Variants in SAFB observed in about 807,000 individuals in gnomAD.
SAFB encodes the protein scaffold attachment factor B, also known as scaffold attachment factor B1.
Under a neutral mutation model 101.6 loss-of-function variants are expected in SAFB, and 15 were observed. That is an observed-to-expected ratio of 0.15 (90% CI 0.10 to 0.23). The LOEUF (loss-of-function observed/expected upper bound fraction) is 0.23. Among genes scored for constraint, SAFB ranks in the 10% least tolerant of loss-of-function variants. The probability of loss-of-function intolerance (pLI) is 1.00; values close to 1 mark genes in which losing one functional copy is unlikely to be tolerated. For synonymous variants in SAFB, 449 were observed against 407.5 expected (o/e 1.10, Z -1.23); for missense variants, 930 against 1,104.1 (o/e 0.84, Z 2.23).
At chr19:5,658,496 C>T (rs1209352046) in intron 14 of SAFB, among the ~76,000 whole-genome samples, 1 of 152,120 alleles carries the variant, frequency 6.6e-6, no homozygotes, top group Admixed American at 6.5e-5. Flanking sequence ...AGTTCGAGAC[C>T]AGCCTGACCA....
rs1411489455 is a variant in SAFB at position 5,667,633 on chromosome 19, C to T, written c.2557+183C>T. On this transcript the variant is annotated intron_variant, in intron 19 of 20. Transcript: ENST00000588852. The surrounding 1 kb of genome is among the most constrained non-coding windows in gnomAD (Gnocchi z 4.0). ...TCTGGCCCAGGAGTTGGACAGTGGG[C>T]GTTCCCGAGTTCTCTCTGCTGGGAG... 2.3e-5 allele frequency: 16 copies of T among 700,592 alleles called. No homozygotes were observed. Among genetic ancestry groups the T allele is most frequent in the Non-Finnish European group, 2.9e-5 (12 of 409,170 alleles). 43.4% of individuals were successfully genotyped at this position (700,592 alleles called of 1,614,324 possible).
In SAFB at chr19:5,661,695, C is replaced by T; in HGVS notation, c.2040C>T (p.Arg680=). ...ERERMHVEHE[R]RREQERIHRE... Reference sequence around the variant, plus strand: ...AACGCATGCACGTGGAGCACGAGCGCAGGCGCGAGCAGGAGCGCATCCACC... The same window carrying T: ...AACGCATGCACGTGGAGCACGAGCGTAGGCGCGAGCAGGAGCGCATCCACC... The change falls in exon 15 of 21, where the codon CGC becomes CGT. Residue 680 remains arginine, a synonymous_variant. Transcript: ENST00000588852. 6.2e-7 allele frequency: 1 copy of T among 1,605,746 alleles called. No homozygotes were observed. The highest frequency in any genetic ancestry group is 1.1e-5 in the South Asian group (1 of 90,560).
Position 5,641,824 on chromosome 19 carries a change from G to A in SAFB, c.424G>A (p.Gly142Arg), listed in dbSNP as rs1341447411. 6.2e-7 allele frequency: 1 copy of A among 1,613,962 alleles called. No individual in the cohort carries two copies. Among genetic ancestry groups the A allele is most frequent in the East Asian group, 2.2e-5 (1 of 44,880 alleles). ...SVLDEAEIDNGSVADCVEDDD... is the reference protein window; with the variant it reads ...SVLDEAEIDNRSVADCVEDDD... ...GTTGGATGAAGCAGAAATTGATAAT[G>A]GAAGCGTTGCAGATTGTGTCGAAGA... Residue 142 changes from glycine to arginine, a missense_variant, in exon 4 of 21, where the codon GGA (glycine) becomes AGA (arginine). Physicochemically the swap from Gly to Arg is moderately radical, Grantham distance 125. Transcript: ENST00000588852.
chr19:5,650,110 C>T, intron 8 of SAFB, 135 bp downstream of exon 8: 1 of 690,458 alleles, frequency 1.4e-6, no homozygotes, highest in Non-Finnish European at 2.6e-6. Flanking sequence ...CTTTCTCCTT[C>T]TCTGCTGTTA....
chr19:5,656,603 G>C (rs747329206), intron 13 of SAFB, among the ~76,000 whole-genome samples: 2 of 138,794 alleles, frequency 1.4e-5, no homozygotes, highest in Non-Finnish European at 3.1e-5. Context: ...TTTTGTCAGA[G>C]TATCGCTCTG....
intron 2 of SAFB, among the ~76,000 whole-genome samples, chr19:5,637,964 C>T (rs1288611926): frequency 6.6e-6 from 1 of 152,236 alleles, no homozygotes; most frequent in African/African-American, 2.4e-5. Flanking sequence ...CTATTCCTGA[C>T]ACCAGAAATT....
At position 5,626,498 on chromosome 19, in the gene SAFB, G is replaced by T. The variant is rs1366992322; in HGVS notation, c.274+9G>T. 2 of 1,513,434 alleles carry T rather than the reference G, an allele frequency of 1.3e-6. No homozygotes were observed. Among genetic ancestry groups the T allele is most frequent in the African/African-American group, 2.8e-5 (2 of 72,662 alleles). 93.8% of individuals were successfully genotyped at this position (1,513,434 alleles called of 1,614,324 possible). Reference sequence around the variant, plus strand: ...AAAGAGGTCTAGCAAAGGTATGGAGGATTTCATAAGCAAGTTTCATGTTAA... The same window carrying T: ...AAAGAGGTCTAGCAAAGGTATGGAGTATTTCATAAGCAAGTTTCATGTTAA... On this transcript the variant is annotated intron_variant, in intron 2 of 20. Coordinates refer to ENST00000588852, the MANE Select transcript of SAFB (RefSeq NM_001201338.2).
In SAFB at chr19:5,668,433, G is replaced by GTT. The variant is rs750704334; in HGVS notation, c.*153_*154dup. The GTT allele has an allele frequency of 7.8e-4, 520 of 663,946 alleles. No homozygotes were observed. The highest frequency in any genetic ancestry group is 9.9e-4 in the South Asian group (41 of 41,254). 41.1% of individuals were successfully genotyped at this position (663,946 alleles called of 1,614,324 possible). ...ATGTGAATTTGTTTTTCGTTTTGGGGTTTTTTTTTTTTGTAATAAATGTGT... is the reference window on the plus strand; with the variant it reads ...ATGTGAATTTGTTTTTCGTTTTGGGGTTTTTTTTTTTTTTGTAATAAATGTGT... On this transcript the variant is annotated 3_prime_UTR_variant, in exon 21 of 21. Transcript: ENST00000588852.
chr19:5,647,724 G>A (rs1056746393), intron 5 of SAFB, among the ~76,000 whole-genome samples: 1 of 152,180 alleles, frequency 6.6e-6, no homozygotes, highest in African/African-American at 2.4e-5. Context: ...TGCTCTCCTT[G>A]AATTTGAGAG....
intron 2 of SAFB, among the ~76,000 whole-genome samples, chr19:5,626,800 C>T (rs549775592): frequency 2.0e-5 from 3 of 152,118 alleles, no homozygotes; most frequent in Non-Finnish European, 4.4e-5. Context: ...TAATTCCAGG[C>T]GACTCGGGGC....
At chr19:5,660,695 C>T (rs2054177637) in intron 14 of SAFB, among the ~76,000 whole-genome samples, 2 of 110,760 alleles carry the variant, frequency 1.8e-5, no homozygotes, top group Non-Finnish European at 3.6e-5. Context: ...CCTGGGCAAC[C>T]ATCTCTACCA....
intron 1 of SAFB, among the ~76,000 whole-genome samples, chr19:5,625,324 G>A (rs1234069959): frequency 6.6e-6 from 1 of 152,174 alleles, no homozygotes; most frequent in Admixed American, 6.5e-5. Flanking sequence ...GCCTGTCCCC[G>A]GGAAAAGGGT....
At chr19:5,627,309 CA>C (rs144918619) in intron 2 of SAFB, among the ~76,000 whole-genome samples, 90 of 143,516 alleles carry the variant, frequency 6.3e-4, no homozygotes, top group African/African-American at 6.9e-4. Context: ...TATCCACTGC[CA>C]AAAAAAAAAA....
At chr19:5,650,644 C>T (rs938314691) in intron 8 of SAFB, among the ~76,000 whole-genome samples, 2 of 152,190 alleles carry the variant, frequency 1.3e-5, no homozygotes, top group African/African-American at 2.4e-5. Flanking sequence ...AACTCTTGAC[C>T]TCGTGATTCG....
intron 2 of SAFB, among the ~76,000 whole-genome samples, chr19:5,638,415 T>C (rs2053636933): frequency 6.6e-6 from 1 of 151,868 alleles, no homozygotes; most frequent in African/African-American, 2.4e-5. Context: ...GCCTCCTGGG[T>C]TCAAGCGATT....
At chr19:5,623,740 C>A (rs2053257637) in intron 1 of SAFB, among the ~76,000 whole-genome samples, 1 of 151,856 alleles carries the variant, frequency 6.6e-6, no homozygotes, top group Non-Finnish European at 1.5e-5. Context: ...ACTTCCCAGG[C>A]GAGGGGAAGG....
At chr19:5,639,211 GT>G (rs1401047339) in intron 2 of SAFB, among the ~76,000 whole-genome samples, 1 of 152,112 alleles carries the variant, frequency 6.6e-6, no homozygotes, top group African/African-American at 2.4e-5. Context: ...TGGGAAATCA[GT>G]TTCCAAATGG....
intron 6 of SAFB, 135 bp downstream of exon 6, chr19:5,648,178 A>C (rs1599354245): frequency 1.4e-6 from 1 of 719,516 alleles, no homozygotes. Flanking sequence ...ACAATCCAAA[A>C]CCTACCAGGA....
In SAFB at chr19:5,667,576, G is replaced by C. The variant is rs1803900899; in HGVS notation, c.2557+126G>C. 1 of 750,934 alleles carries C rather than the reference G, an allele frequency of 1.3e-6. No individual in the cohort carries two copies. Among genetic ancestry groups the C allele is most frequent in the African/African-American group, 1.8e-5 (1 of 56,038 alleles). 46.5% of individuals were successfully genotyped at this position (750,934 alleles called of 1,614,324 possible). ...TCTCAGTGCTGGAATGAGGAATGAA[G>C]AGCACTCCAGACACCGCCTGCTCTC... On this transcript the variant is annotated intron_variant, in intron 19 of 20. Transcript: ENST00000588852. The surrounding 1 kb of genome is among the most constrained non-coding windows in gnomAD (Gnocchi z 4.0).
Sources: allele counts gnomAD v4.1 joint callset (sites outside exome capture counted in the v4.1 genomes callset), GRCh38; gene constraint gnomAD v4.1.1; non-coding constraint Gnocchi (gnomAD v3.1); transcripts MANE v1.5; gene names NCBI Gene and HGNC (gene_info 2026-07-23, HGNC 2026-07-21).